The following TENM3 variants were observed in gnomAD, a reference collection of about 807,000 sequenced individuals.
The protein encoded by TENM3 is teneurin transmembrane protein 3.
TENM3 carries 63 observed loss-of-function variants against 255.1 expected under a neutral mutation model. The ratio of observed to expected loss-of-function variants is 0.25; its 90% CI spans 0.20 to 0.30. The LOEUF is 0.30. Ranked by LOEUF, TENM3 falls within the 10% of genes least tolerant of loss-of-function variation. TENM3 has a pLI of 1.00. For missense variants in TENM3, 2,929 were observed against 3,461.1 expected (o/e 0.85, Z 3.86); for synonymous variants, 1,306 against 1,322.3 (o/e 0.99, Z 0.27).
At chr4:182,506,320 T>G (rs1214196828) in intron 3 of TENM3, among the ~76,000 whole-genome samples, 2 of 152,208 alleles carry the variant, frequency 1.3e-5, no homozygotes, top group African/African-American at 4.8e-5. Flanking sequence ...AGAGGGCATA[T>G]TTTGGAGTCA....
chr4:182,485,475 T>C (rs1392563568), intron 3 of TENM3, among the ~76,000 whole-genome samples: 1 of 152,138 alleles, frequency 6.6e-6, no homozygotes, highest in African/African-American at 2.4e-5. Flanking sequence ...AATCAATAAA[T>C]TTAACCAAGT....
the TENM3 span, among the ~76,000 whole-genome samples, chr4:181,844,583 G>A: frequency 6.6e-6 from 1 of 151,818 alleles, no homozygotes; most frequent in Non-Finnish European, 1.5e-5. Context: ...CAGGAGAATG[G>A]CGTGAACCCG....
the TENM3 span, among the ~76,000 whole-genome samples, chr4:181,992,452 T>C: frequency 3.9e-3 from 597 of 152,274 alleles, 3 homozygotes; most frequent in South Asian, 6.0e-3. Flanking sequence ...CGATAACTAG[T>C]GGCACTAGAA....
intron 1 of TENM3, among the ~76,000 whole-genome samples, chr4:182,288,072 G>T (rs1320389509): frequency 6.6e-6 from 1 of 151,966 alleles, no homozygotes; most frequent in Non-Finnish European, 1.5e-5. Context: ...TGAGTAGCTG[G>T]GATTACAGGC....
At chr4:181,729,603 C>T in the TENM3 span, among the ~76,000 whole-genome samples, 1 of 152,158 alleles carries the variant, frequency 6.6e-6, no homozygotes, top group African/African-American at 2.4e-5. Context: ...ACAATGAAAA[C>T]CCCAAATTTG....
At position 182,673,122 on chromosome 4, in the gene TENM3, T is replaced by C. The variant is rs201144002; in HGVS notation, c.1229T>C (p.Ile410Thr). Residue 410 changes from isoleucine (I) to threonine (T), a missense_variant, in exon 7 of 28, where the codon ATT becomes ACT. By Grantham distance (89) the Ile-to-Thr change is moderately conservative. Coordinates refer to ENST00000511685, the MANE Select transcript of TENM3 (RefSeq NM_001080477.4). ...ATCTTCTGGAGATCACAGCTCTTCA[T>C]TGATCAGCCACAGTTTCTTAAATTC... ...PGIFWRSQLF[I>T]DQPQFLKFNI... The C allele has an allele frequency of 1.7e-4, 271 of 1,613,548 alleles. No homozygotes were observed. The highest frequency in any genetic ancestry group is 2.1e-4 in the Non-Finnish European group (244 of 1,179,670).
chr4:182,088,785 G>T, the TENM3 span, among the ~76,000 whole-genome samples: 1 of 151,696 alleles, frequency 6.6e-6, no homozygotes, highest in African/African-American at 2.4e-5. Flanking sequence ...AATGAGCTGA[G>T]GTCGGGCCAC....
At chr4:181,817,978 C>T in the TENM3 span, among the ~76,000 whole-genome samples, 2 of 152,184 alleles carry the variant, frequency 1.3e-5, no homozygotes, top group Admixed American at 6.5e-5. Context: ...TCTCTTTGGT[C>T]CTGATATCTG....
chr4:181,699,469 A>AAAAAAAAAAAG, the TENM3 span, among the ~76,000 whole-genome samples: 1 of 143,816 alleles, frequency 7.0e-6, no homozygotes, highest in Non-Finnish European at 1.5e-5. Flanking sequence ...AAAAAAAAAA[A>AAAAAAAAAAAG]AAAGAAAGAA....
rs201823975 is a variant in TENM3, at chr4:182,673,099, C to G, written c.1206C>G (p.Ile402Met). Reference protein sequence around the residue: ...RRAIQEIPPGIFWRSQLFIDQ... With the variant: ...RRAIQEIPPGMFWRSQLFIDQ... ...CAATTCAAGAGATTCCTCCCGGGATCTTCTGGAGATCACAGCTCTTCATTG... is the reference window on the plus strand; with the variant it reads ...CAATTCAAGAGATTCCTCCCGGGATGTTCTGGAGATCACAGCTCTTCATTG... The change falls in exon 7 of 28, where the codon ATC becomes ATG. Residue 402 changes from isoleucine (I) to methionine (M), a missense_variant. Ile to Met is a conservative substitution (Grantham distance 10). Around this residue, in one of 6 missense-constraint regions of TENM3, gnomAD observed 1,608 missense variants for 1,884.4 expected, o/e 0.85. Coordinates refer to ENST00000511685, the MANE Select transcript of TENM3 (RefSeq NM_001080477.4). 6.2e-7 allele frequency: 1 copy of G among 1,613,220 alleles called. No homozygotes were observed. Among genetic ancestry groups the G allele is most frequent in the Non-Finnish European group, 8.5e-7 (1 of 1,179,526 alleles).
chr4:181,972,038 T>C, the TENM3 span, among the ~76,000 whole-genome samples: 1 of 152,042 alleles, frequency 6.6e-6, no homozygotes, highest in African/African-American at 2.4e-5. Context: ...TTTTTTTCTC[T>C]TCATGCTACA....
the TENM3 span, among the ~76,000 whole-genome samples, chr4:181,508,936 A>T: frequency 5.3e-4 from 76 of 143,870 alleles, no homozygotes; most frequent in South Asian, 2.3e-3. Flanking sequence ...ATTAAAAAAG[A>T]AGTTGGGAAG....
intron 3 of TENM3, among the ~76,000 whole-genome samples, chr4:182,377,257 A>C (rs1366055417): frequency 1.3e-5 from 2 of 152,158 alleles, no homozygotes; most frequent in Non-Finnish European, 2.9e-5. Flanking sequence ...TTTGTTCAAC[A>C]ATCAAATTTT....
At chr4:182,688,527 T>G (rs946382823) in intron 12 of TENM3, among the ~76,000 whole-genome samples, 176 bp downstream of exon 12, 1 of 152,234 alleles carries the variant, frequency 6.6e-6, no homozygotes, top group Non-Finnish European at 1.5e-5. Context: ...TCAGTTCTTT[T>G]TAGAACAGCT....
At chr4:182,048,175 A>C in the TENM3 span, among the ~76,000 whole-genome samples, 2 of 152,134 alleles carry the variant, frequency 1.3e-5, no homozygotes, top group African/African-American at 4.8e-5. Flanking sequence ...TTATTGTACA[A>C]ATTTAGATAT....
intron 3 of TENM3, among the ~76,000 whole-genome samples, chr4:182,598,460 G>A (rs1005974327): frequency 2.6e-5 from 4 of 152,180 alleles, no homozygotes; most frequent in South Asian, 2.1e-4. Context: ...AAATGAAGAC[G>A]TGTACCTAAG....
chr4:181,758,623 G>C, the TENM3 span, among the ~76,000 whole-genome samples: 9 of 152,266 alleles, frequency 5.9e-5, no homozygotes, highest in East Asian at 1.7e-3. Flanking sequence ...GAACAGAATA[G>C]ATTAATAAAT....
At chr4:182,204,871 GATTGC>G (rs1295041769) in intron 1 of TENM3, among the ~76,000 whole-genome samples, 2 of 152,294 alleles carry the variant, frequency 1.3e-5, no homozygotes, top group East Asian at 3.9e-4. Context: ...TGCCTATAGA[GATTGC>G]ATTTGGAGAT....
the TENM3 span, among the ~76,000 whole-genome samples, chr4:181,931,592 A>G: frequency 6.6e-6 from 1 of 152,232 alleles, no homozygotes; most frequent in East Asian, 1.9e-4. Context: ...CATACTGCCC[A>G]AAGTAATTTA....
Sources: allele counts gnomAD v4.1 joint callset (sites outside exome capture counted in the v4.1 genomes callset), GRCh38; gene constraint gnomAD v4.1.1; regional missense constraint gnomAD v4.1.1; transcripts MANE v1.5; gene names NCBI Gene and HGNC (gene_info 2026-07-23, HGNC 2026-07-21).